Variants in SLC24A2 observed in about 807,000 individuals in gnomAD.
SLC24A2 encodes solute carrier family 24 member 2, also known as sodium/potassium/calcium exchanger 2.
A neutral mutation model predicts 62.0 loss-of-function variants in SLC24A2; 36 were observed. The observed-to-expected ratio is 0.58, with a 90% CI of 0.44 to 0.77. The LOEUF (loss-of-function observed/expected upper bound fraction) is 0.77. Among genes scored for constraint, SLC24A2 ranks in the 30% least tolerant of loss-of-function variants. SLC24A2 has a pLI of 0.00. For missense variants in SLC24A2, 846 were observed against 817.9 expected (o/e 1.03, Z -0.42); for synonymous variants, 358 against 294.0 (o/e 1.22, Z -2.23).
intron 2 of SLC24A2, among the ~76,000 whole-genome samples, chr9:19,721,503 T>C (rs1225716938): frequency 6.6e-6 from 1 of 152,164 alleles, no homozygotes; most frequent in Non-Finnish European, 1.5e-5. Context: ...TAAAGTCTTC[T>C]TTCCTTTTTC....
the SLC24A2 span, among the ~76,000 whole-genome samples, chr9:20,109,563 C>T: frequency 6.6e-6 from 1 of 152,168 alleles, no homozygotes; most frequent in Non-Finnish European, 1.5e-5. Context: ...ATGAACATCC[C>T]TTGGGAGATG....
intron 2 of SLC24A2, among the ~76,000 whole-genome samples, chr9:19,717,502 T>G (rs1009636704): frequency 2.0e-5 from 3 of 152,176 alleles, no homozygotes; most frequent in Non-Finnish European, 4.4e-5. Flanking sequence ...CAATAAAAAG[T>G]TGCTGCCAAA....
At chr9:19,920,705 A>T in the SLC24A2 span, among the ~76,000 whole-genome samples, 2 of 152,208 alleles carry the variant, frequency 1.3e-5, no homozygotes, top group Non-Finnish European at 2.9e-5. Flanking sequence ...GCTTCCCACT[A>T]GCCTGTGTGT....
chr9:19,580,825 G>A (rs1404560077), intron 5 of SLC24A2, among the ~76,000 whole-genome samples: 2 of 152,134 alleles, frequency 1.3e-5, no homozygotes, highest in African/African-American at 4.8e-5. Context: ...GGTATTGGCT[G>A]ATCTGTTAAG....
At chr9:19,560,631 A>G (rs1835342278) in intron 7 of SLC24A2, among the ~76,000 whole-genome samples, 1 of 152,152 alleles carries the variant, frequency 6.6e-6, no homozygotes, top group African/African-American at 2.4e-5. Context: ...TCTGTGGCAA[A>G]ATAAACTGTT....
the SLC24A2 span, among the ~76,000 whole-genome samples, chr9:20,278,336 A>G: frequency 1.1e-4 from 17 of 152,188 alleles, no homozygotes; most frequent in African/African-American, 3.6e-4. Flanking sequence ...CCTTTTAAAT[A>G]TAAGTTCCAA....
the SLC24A2 span, among the ~76,000 whole-genome samples, chr9:19,996,884 G>A: frequency 1.1e-3 from 162 of 152,094 alleles, 2 homozygotes; most frequent in African/African-American, 3.7e-3. Context: ...GGAGCCATTA[G>A]AAGGTATTAA....
At chr9:19,627,032 G>C (rs1307240186) in intron 2 of SLC24A2, among the ~76,000 whole-genome samples, 2 of 152,114 alleles carry the variant, frequency 1.3e-5, no homozygotes, top group Non-Finnish European at 2.9e-5. Flanking sequence ...TAAATTCCTA[G>C]ACAAAGAAAG....
chr9:20,127,254 C>A, the SLC24A2 span, among the ~76,000 whole-genome samples: 1 of 152,098 alleles, frequency 6.6e-6, no homozygotes, highest in African/African-American at 2.4e-5. Flanking sequence ...TGCCCAGAAT[C>A]CCCAGCAAAC....
At chr9:20,075,413 G>C in the SLC24A2 span, among the ~76,000 whole-genome samples, 1 of 152,188 alleles carries the variant, frequency 6.6e-6, no homozygotes, top group Admixed American at 6.6e-5. Context: ...ATGTGAATCT[G>C]TGTCACTGGA....
At chr9:19,950,714 A>T in the SLC24A2 span, among the ~76,000 whole-genome samples, 2 of 152,212 alleles carry the variant, frequency 1.3e-5, no homozygotes, top group African/African-American at 4.8e-5. Context: ...TTCTACTGCA[A>T]GTGTGGGAAG....
At chr9:20,129,740 C>A in the SLC24A2 span, among the ~76,000 whole-genome samples, 1 of 151,852 alleles carries the variant, frequency 6.6e-6, no homozygotes. Flanking sequence ...TCCATGGAGA[C>A]AGAAAGTAGA....
chr9:20,089,475 G>A, the SLC24A2 span, among the ~76,000 whole-genome samples: 1 of 152,024 alleles, frequency 6.6e-6, no homozygotes, highest in Admixed American at 6.5e-5. Context: ...AAGGATAAAA[G>A]GCACTACCCA....
intron 2 of SLC24A2, among the ~76,000 whole-genome samples, chr9:19,741,105 A>G (rs1323855715): frequency 2.0e-5 from 3 of 152,150 alleles, no homozygotes; most frequent in African/African-American, 7.2e-5. Flanking sequence ...CTGGGCACTT[A>G]AAGGTTTGGT....
At chr9:20,088,939 A>G in the SLC24A2 span, among the ~76,000 whole-genome samples, 1 of 152,172 alleles carries the variant, frequency 6.6e-6, no homozygotes, top group Non-Finnish European at 1.5e-5. Context: ...AGGGACTGGA[A>G]TAGACTCCCA....
At chr9:19,736,002 A>AT (rs1232424444) in intron 2 of SLC24A2, among the ~76,000 whole-genome samples, 9 of 152,320 alleles carry the variant, frequency 5.9e-5, no homozygotes, top group South Asian at 4.1e-4. Flanking sequence ...AACTTAAAGT[A>AT]TAAAAAAAAA....
At chr9:20,090,601 C>T in the SLC24A2 span, among the ~76,000 whole-genome samples, 1 of 152,010 alleles carries the variant, frequency 6.6e-6, no homozygotes, top group Non-Finnish European at 1.5e-5. Flanking sequence ...TTACCTAACA[C>T]CCCCACCCCC....
chr9:19,994,140 C>T, the SLC24A2 span, among the ~76,000 whole-genome samples: 4,679 of 152,234 alleles, frequency 0.031, 228 homozygotes, highest in African/African-American at 0.1. Flanking sequence ...GGCTGCTGCA[C>T]CTGCTTCTAG....
chr9:19,900,304 A>T, the SLC24A2 span, among the ~76,000 whole-genome samples: 1 of 152,202 alleles, frequency 6.6e-6, no homozygotes, highest in African/African-American at 2.4e-5. Context: ...TGGGATGTGA[A>T]TTTTTCACTG....
Sources: gnomAD v4.1 joint callset for allele counts (sites outside exome capture counted in the v4.1 genomes callset) on GRCh38, gnomAD v4.1.1 for gene constraint, MANE v1.5 for transcripts, NCBI Gene and HGNC (gene_info 2026-07-23, HGNC 2026-07-21) for gene names.